The following EDEM2 variants were observed in gnomAD, a reference collection of about 807,000 sequenced individuals.
EDEM2 encodes the protein ER degradation enhancing alpha-mannosidase like protein 2, also known as ER degradation-enhancing alpha-mannosidase-like protein 2.
Under a neutral mutation model 64.8 loss-of-function variants are expected in EDEM2, and 39 were observed. That is an observed-to-expected ratio of 0.60 (90% CI 0.47 to 0.79). EDEM2 has a LOEUF of 0.79. Ranked by LOEUF, EDEM2 falls within the 30% of genes least tolerant of loss-of-function variation. EDEM2 has a pLI of 0.00. For missense variants in EDEM2, 609 were observed against 731.3 expected, an observed-to-expected ratio of 0.83 and a Z score of 1.93; for synonymous variants, 296 against 291.5, an observed-to-expected ratio of 1.02 and a Z score of -0.16.
At chr20:35,144,115 C>A (rs1228504901) in intron 3 of EDEM2, among the ~76,000 whole-genome samples, 1 of 151,468 alleles carries the variant, frequency 6.6e-6, no homozygotes, top group African/African-American at 2.4e-5. Flanking sequence ...CACCATATTG[C>A]CCAGGCTGGT....
chr20:35,118,887 A>G (rs182488113), intron 9 of EDEM2, among the ~76,000 whole-genome samples, 168 bp from the exon 10 acceptor site: 1 of 152,344 alleles, frequency 6.6e-6, no homozygotes, highest in African/African-American at 2.4e-5. Flanking sequence ...CAGTATACCC[A>G]AAGCTTGAAG....
rs760856972 is a variant in EDEM2, at chr20:35,147,130, G to C, written c.107+22C>G. On this transcript the variant is annotated intron_variant, in intron 1 of 10. Coordinates refer to ENST00000374492, the MANE Select transcript of EDEM2 (RefSeq NM_018217.3). ...TTCACGCTTCCCATTCCCCAACTGC[G>C]AAAGGGCGGGTCACAGTTCACCTGT... 3 of 1,595,668 alleles carry C rather than the reference G, an allele frequency of 1.9e-6. No individual in the cohort carries two copies. In the South Asian group the frequency reaches 3.4e-5, roughly 18 times the overall value.
intron 5 of EDEM2, among the ~76,000 whole-genome samples, chr20:35,136,481 G>C (rs953957763): frequency 1.3e-5 from 2 of 152,162 alleles, no homozygotes; most frequent in Non-Finnish European, 2.9e-5. Context: ...AAGAGGCCGG[G>C]TGTGGTGGCT....
chr20:35,130,634 C>T (rs760227737), intron 7 of EDEM2, among the ~76,000 whole-genome samples: 3 of 152,110 alleles, frequency 2.0e-5, no homozygotes, highest in South Asian at 2.1e-4. Context: ...GGACTACAGG[C>T]GTGAGCCACT....
intron 5 of EDEM2, 91 bp from the exon 6 acceptor site, chr20:35,135,040 C>G (rs1385695772): frequency 4.0e-6 from 5 of 1,261,658 alleles, no homozygotes; most frequent in Non-Finnish European, 5.6e-6. Context: ...TTAGCCAGCA[C>G]TTCCCTCTTT....
intron 2 of EDEM2, 145 bp downstream of exon 2, chr20:35,146,680 G>A: frequency 1.2e-6 from 1 of 852,040 alleles, no homozygotes; most frequent in East Asian, 2.7e-5. Flanking sequence ...GTGATAGTAA[G>A]AATTGCGGGG....
intron 5 of EDEM2, among the ~76,000 whole-genome samples, chr20:35,136,183 A>G (rs2085573515): frequency 6.6e-6 from 1 of 152,240 alleles, no homozygotes; most frequent in African/African-American, 2.4e-5. Flanking sequence ...GCTCTAAGCA[A>G]TATTTCAGAA....
intron 7 of EDEM2, among the ~76,000 whole-genome samples, chr20:35,127,467 G>A (rs2085449491): frequency 6.6e-6 from 1 of 152,142 alleles, no homozygotes; most frequent in Non-Finnish European, 1.5e-5. Flanking sequence ...CTCTCCCCTA[G>A]ATTGTAAATC....
At chr20:35,130,180 A>G (rs559297001) in intron 7 of EDEM2, among the ~76,000 whole-genome samples, 7 of 152,002 alleles carry the variant, frequency 4.6e-5, no homozygotes, top group African/African-American at 1.7e-4. Flanking sequence ...GCAATCCTTC[A>G]CCTTGGCCTC....
chr20:35,138,248 T>C (rs1308614626), intron 4 of EDEM2, among the ~76,000 whole-genome samples: 1 of 152,222 alleles, frequency 6.6e-6, no homozygotes, highest in Non-Finnish European at 1.5e-5. Context: ...CATATTTCTA[T>C]GGTGTTAAGT....
chr20:35,146,042 T>C lies in EDEM2; in HGVS notation c.218+783A>G, dbSNP rs117904400. 8.8e-3 allele frequency among the ~76,000 whole-genome samples: 1,326 copies of C among 150,952 alleles called. 5 individuals are homozygous for C. Among genetic ancestry groups the C allele is most frequent in the Non-Finnish European group, 0.013 (877 of 67,808 alleles). On this transcript the variant is annotated intron_variant, in intron 2 of 10. Coordinates refer to ENST00000374492, the MANE Select transcript of EDEM2 (RefSeq NM_018217.3). ...AAAAAAAAGAGTGTATTTTATTATA[T>C]GTAAATTATGCCTTTAAGAAGTTCA...
intron 2 of EDEM2, 123 bp downstream of exon 2, chr20:35,146,702 A>G (rs919473549): frequency 3.8e-6 from 4 of 1,046,914 alleles, no homozygotes; most frequent in Non-Finnish European, 5.5e-6. Flanking sequence ...GCGCGGCTCT[A>G]GCTCAGCTGG....
rs764999072 is a variant in EDEM2 at position 35,147,159 on chromosome 20, G to T, written c.100C>A (p.His34Asn). Residue 34 changes from histidine to asparagine, a missense_variant, in exon 1 of 11, where the codon CAC becomes AAC. His to Asn is a moderately conservative substitution (Grantham distance 68). Coordinates refer to ENST00000374492, the MANE Select transcript of EDEM2 (RefSeq NM_018217.3). ...GGGCGGGTCACAGTTCACCTGTAGT[G>T]GGCGGGATCTGGCGCGGAGCCGTCG... is the stretch of plus-strand genomic sequence containing the variant. ...GPDGSAPDPAHYRERVKAMFY... is the reference protein window; with the variant it reads ...GPDGSAPDPANYRERVKAMFY... The T allele has an allele frequency of 4.7e-5, 76 of 1,601,524 alleles. No individual in the cohort carries two copies. The South Asian group carries it at 8.0e-4, about 17-fold the overall frequency.
Position 35,126,259 on chromosome 20 carries a change from C to T in EDEM2, c.961G>A (p.Gly321Ser). 6.2e-7 allele frequency: 1 copy of T among 1,613,408 alleles called. No individual in the cohort carries two copies. Among genetic ancestry groups the T allele is most frequent in the Non-Finnish European group, 8.5e-7 (1 of 1,179,874 alleles). The stretch of plus-strand genomic sequence containing the variant: ...TCTTTGATCATTCCTACCTGAAGAC[C>T]AGGCCAGTAGGCCTCCAAGGACTGG... ...VFQSLEAYWP[G>S]LQSLIGDIDN... The change falls in exon 8 of 11, where the codon GGT (glycine) becomes AGT (serine). Residue 321 changes from glycine to serine, a missense_variant. Coordinates refer to ENST00000374492, the MANE Select transcript of EDEM2 (RefSeq NM_018217.3).
At chr20:35,126,913 A>C (rs1425161076) in intron 7 of EDEM2, among the ~76,000 whole-genome samples, 2 of 152,164 alleles carry the variant, frequency 1.3e-5, no homozygotes, top group Non-Finnish European at 2.9e-5. Context: ...ACTCCATCTC[A>C]AAAAGAAAAA....
intron 4 of EDEM2, among the ~76,000 whole-genome samples, chr20:35,139,919 T>C (rs1194403704): frequency 1.3e-5 from 2 of 151,974 alleles, no homozygotes; most frequent in Admixed American, 1.3e-4. Context: ...AAATAAATAA[T>C]AATTACATTG....
rs1426529482 is a variant in EDEM2 at position 35,147,238 on chromosome 20, G to A, written c.21C>T (p.Ile7=). MPFRLL[I]PLGLLCALLP... Reference sequence around the variant, plus strand: ...GCAGCGCGCACAGGAGGCCGAGCGGGATGAGCAGCCGGAAAGGCATAGAGC... The same window carrying A: ...GCAGCGCGCACAGGAGGCCGAGCGGAATGAGCAGCCGGAAAGGCATAGAGC... Residue 7 remains isoleucine (I), a synonymous_variant, in exon 1 of 11, where the codon ATC becomes ATT. Coordinates refer to ENST00000374492, the MANE Select transcript of EDEM2 (RefSeq NM_018217.3). 1 of 1,594,128 alleles carries A rather than the reference G, an allele frequency of 6.3e-7. No individual in the cohort carries two copies. The highest frequency in any genetic ancestry group is 8.6e-7 in the Non-Finnish European group (1 of 1,168,780).
intron 6 of EDEM2, chr20:35,133,969 C>T: frequency 2.6e-6 from 1 of 389,182 alleles, no homozygotes; most frequent in South Asian, 1.9e-5. Flanking sequence ...GTGACTTGCT[C>T]AGGGTCACAC....
chr20:35,117,945 T>C (rs766984623), intron 10 of EDEM2, among the ~76,000 whole-genome samples: 17 of 152,328 alleles, frequency 1.1e-4, no homozygotes, highest in Middle Eastern at 3.4e-3. Context: ...AACTCTTTCC[T>C]GTGGCTTACA....
Sources: gnomAD v4.1 joint callset for allele counts (sites outside exome capture counted in the v4.1 genomes callset) on GRCh38, gnomAD v4.1.1 for gene constraint, MANE v1.5 for transcripts, NCBI Gene and HGNC (gene_info 2026-07-23, HGNC 2026-07-21) for gene names.